The following CNBD1 variants were observed in gnomAD, a reference collection of about 807,000 sequenced individuals.
CNBD1 encodes the protein cyclic nucleotide binding domain containing 1, also known as cyclic nucleotide-binding domain-containing protein 1.
CNBD1 carries 71 observed loss-of-function variants against 54.4 expected under a neutral mutation model. The observed-to-expected ratio is 1.30, with a 90% confidence interval of 1.08 to 1.59. The LOEUF is 1.59. CNBD1 is among the 40% of genes most tolerant of loss of function. The pLI is 0.00. For synonymous variants in CNBD1, 182 were observed against 170.7 expected (o/e 1.07, Z -0.51); for missense variants, 659 against 518.0 (o/e 1.27, Z -2.64).
At chr8:87,384,081 G>A (rs1435774202), downstream of CNBD1, among the ~76,000 whole-genome samples, 6 of 152,076 alleles carry the variant, frequency 3.9e-5, no homozygotes, top group Admixed American at 2.0e-4. Context: ...AAAATCATTT[G>A]GCTTGTCCTT....
intron 2 of CNBD1, among the ~76,000 whole-genome samples, chr8:87,423,559 T>C (rs921589082): frequency 4.7e-5 from 7 of 150,398 alleles, no homozygotes; most frequent in African/African-American, 1.5e-4. Flanking sequence ...TTTGGCTCTG[T>C]TTATATGCTG....
At chr8:87,234,431 T>G (rs1302361675) in intron 5 of CNBD1, among the ~76,000 whole-genome samples, 3 of 152,220 alleles carry the variant, frequency 2.0e-5, no homozygotes, top group Non-Finnish European at 4.4e-5. Flanking sequence ...TCTTGATTGA[T>G]AGGTTGCAGA....
chr8:87,129,069 CAAA>C lies in CNBD1; in HGVS notation c.432-76904_432-76902del, dbSNP rs570657716. On this transcript the variant is annotated intron_variant, in intron 4 of 10. Coordinates refer to ENST00000518476, the MANE Select transcript of CNBD1 (RefSeq NM_173538.3). ...TGAGCCACAGAGCAAGACTCTGCCT[CAAA>C]AAAAAAAAAAAAAAAAAAAGAATTT... Among the ~76,000 whole-genome samples the C allele has an allele frequency of 7.0e-3, 183 of 26,172 alleles. 3 individuals are homozygous for C. Among genetic ancestry groups the C allele is most frequent in the African/African-American group, 0.026 (169 of 6,418 alleles). The allele number at this position is 26,172 out of a possible 152,430, so 17.2% of individuals were successfully genotyped here.
intron 5 of CNBD1, among the ~76,000 whole-genome samples, chr8:87,231,095 C>T (rs905442838): frequency 6.6e-6 from 1 of 152,080 alleles, no homozygotes; most frequent in Admixed American, 6.6e-5. Context: ...ATAAGTCATT[C>T]TCTTATGAAC....
chr8:87,074,008 G>C (rs1810812795), intron 4 of CNBD1, among the ~76,000 whole-genome samples: 1 of 151,948 alleles, frequency 6.6e-6, no homozygotes, highest in Non-Finnish European at 1.5e-5. Context: ...GGCTGAGGCA[G>C]GAGAATGGTG....
rs1586379046 is a variant in CNBD1, at chr8:87,269,278, A to G, written c.772-15400A>G. Among the ~76,000 whole-genome samples, 3 of 152,126 alleles carry G rather than the reference A, an allele frequency of 2.0e-5. 1 individual carries two copies. Among genetic ancestry groups the G allele is most frequent in the East Asian group, 3.9e-4 (2 of 5,158 alleles). On this transcript the variant is annotated intron_variant, in intron 6 of 10. Coordinates refer to ENST00000518476, the MANE Select transcript of CNBD1 (RefSeq NM_173538.3). ...ATTTTCTATCCTGTTCCATTGGTCT[A>G]TGTATCTTCTTTTGTACTAGTACTA...
intron 10 of CNBD1, among the ~76,000 whole-genome samples, chr8:87,374,106 A>T (rs1046538263): frequency 1.3e-5 from 2 of 151,914 alleles, no homozygotes; most frequent in African/African-American, 4.8e-5. Context: ...ATAATTCATC[A>T]TAAAAAAAGA....
chr8:87,109,847 T>A (rs1055422507), intron 4 of CNBD1, among the ~76,000 whole-genome samples: 2 of 151,712 alleles, frequency 1.3e-5, no homozygotes, highest in African/African-American at 2.4e-5. Context: ...CAAGTCAGAG[T>A]TTTTTGTACA....
intron 2 of CNBD1, among the ~76,000 whole-genome samples, chr8:87,404,468 C>T (rs1807620851): frequency 1.3e-5 from 2 of 152,102 alleles, no homozygotes; most frequent in South Asian, 4.1e-4. Context: ...TTTCCCTCCA[C>T]TTTTCACAGA....
intron 6 of CNBD1, among the ~76,000 whole-genome samples, chr8:87,262,924 T>C (rs1258866849): frequency 6.6e-6 from 1 of 152,144 alleles, no homozygotes; most frequent in African/African-American, 2.4e-5. Context: ...GGAGTGGGAA[T>C]GGGTAGAAAT....
intron 10 of CNBD1, among the ~76,000 whole-genome samples, chr8:87,373,972 A>C (rs1490008616): frequency 6.6e-6 from 1 of 151,786 alleles, no homozygotes; most frequent in African/African-American, 2.4e-5. Flanking sequence ...AACAGTTTTC[A>C]TCTGATGAAT....
At chr8:87,099,056 AAAAAC>A (rs1230269661) in intron 4 of CNBD1, among the ~76,000 whole-genome samples, 2 of 147,374 alleles carry the variant, frequency 1.4e-5, no homozygotes, top group African/African-American at 5.3e-5. Context: ...AAAAAAAAAA[AAAAAC>A]AAAACTCCAA....
At chr8:87,045,753 A>G (rs1174969968) in intron 4 of CNBD1, among the ~76,000 whole-genome samples, 1 of 146,510 alleles carries the variant, frequency 6.8e-6, no homozygotes, top group Non-Finnish European at 1.5e-5. Context: ...AACAGTACAC[A>G]TGTGCCGGCC....
intron 2 of CNBD1, among the ~76,000 whole-genome samples, chr8:87,390,882 A>G (rs1811295009): frequency 6.6e-6 from 1 of 152,228 alleles, no homozygotes; most frequent in African/African-American, 2.4e-5. Flanking sequence ...AAAATATGGC[A>G]CATATACACT....
At chr8:87,344,356 A>C (rs555554267) in intron 8 of CNBD1, among the ~76,000 whole-genome samples, 1 of 152,202 alleles carries the variant, frequency 6.6e-6, no homozygotes, top group Admixed American at 6.5e-5. Context: ...GAGTTTACAA[A>C]GTCTAATAAG....
At chr8:87,014,493 A>C (rs1420693767) in intron 4 of CNBD1, among the ~76,000 whole-genome samples, 2 of 152,110 alleles carry the variant, frequency 1.3e-5, no homozygotes, top group African/African-American at 4.8e-5. Flanking sequence ...CTTTATTACT[A>C]AAGTAAATAT....
Position 87,036,040 on chromosome 8 carries a change from A to G in CNBD1, c.431+96286A>G, listed in dbSNP as rs867787990. Among the ~76,000 whole-genome samples the G allele has an allele frequency of 7.2e-5, 11 of 152,282 alleles. No homozygotes were observed. In the South Asian group the frequency reaches 1.5e-3, roughly 20 times the overall value. On this transcript the variant is annotated intron_variant, in intron 4 of 10. Transcript: ENST00000518476. Reference sequence around the variant, plus strand: ...ACCTAGGAGCAAGAGAAGTAGGGAAACGCAGCCTTGCACCTCCATAGCCCA... The same window carrying G: ...ACCTAGGAGCAAGAGAAGTAGGGAAGCGCAGCCTTGCACCTCCATAGCCCA...
chr8:86,874,377 T>C (rs997114634), intron 1 of CNBD1, among the ~76,000 whole-genome samples: 4 of 152,192 alleles, frequency 2.6e-5, no homozygotes, highest in African/African-American at 9.7e-5. Context: ...GTCAGCAATA[T>C]CACAGGAGTT....
intron 4 of CNBD1, among the ~76,000 whole-genome samples, chr8:87,040,089 G>A (rs1435046026): frequency 2.0e-5 from 3 of 152,166 alleles, no homozygotes; most frequent in Non-Finnish European, 4.4e-5. Flanking sequence ...TCAAAATCTT[G>A]TAGCCTCCAA....
Sources: allele counts gnomAD v4.1 joint callset (sites outside exome capture counted in the v4.1 genomes callset), GRCh38; gene constraint gnomAD v4.1.1; transcripts MANE v1.5; gene names NCBI Gene and HGNC (gene_info 2026-07-23, HGNC 2026-07-21).